Variants in TTC29 observed in about 807,000 individuals in gnomAD.
The protein encoded by TTC29 is tetratricopeptide repeat domain 29.
TTC29 carries 49 observed loss-of-function variants against 58.1 expected under a neutral mutation model. The observed-to-expected ratio is 0.84, with a 90% CI of 0.67 to 1.07. The LOEUF (loss-of-function observed/expected upper bound fraction) is 1.07, where lower values mean the gene tolerates loss of function less well. Among genes scored for constraint, TTC29 ranks in the 50% least tolerant of loss-of-function variants. The pLI, the probability that TTC29 is intolerant of heterozygous loss-of-function variation, is 0.00. For missense variants in TTC29, 582 were observed against 555.6 expected, an observed-to-expected ratio of 1.05 and a Z score of -0.48; for synonymous variants, 209 against 196.8, an observed-to-expected ratio of 1.06 and a Z score of -0.52.
At chr4:146,793,695 C>G (rs1268287060) in intron 11 of TTC29, among the ~76,000 whole-genome samples, 3 of 151,986 alleles carry the variant, frequency 2.0e-5, no homozygotes, top group African/African-American at 7.2e-5. Flanking sequence ...CTAGGAGAGG[C>G]CCTGAAGAAA....
chr4:146,919,408 ATG>A (rs942472179), intron 4 of TTC29, among the ~76,000 whole-genome samples: 2 of 151,268 alleles, frequency 1.3e-5, no homozygotes, highest in Admixed American at 6.6e-5. Flanking sequence ...CTGGTGTATT[ATG>A]TGTCCTAATA....
At chr4:146,758,909 C>G (rs939465213) in intron 11 of TTC29, among the ~76,000 whole-genome samples, 2 of 151,954 alleles carry the variant, frequency 1.3e-5, no homozygotes, top group African/African-American at 4.8e-5. Context: ...CGAACTGACA[C>G]TATAAGGTCA....
At position 146,760,500 on chromosome 4, in the gene TTC29, C is replaced by T. The variant is rs902502683; in HGVS notation, c.1330+42957G>A. 5.9e-5 allele frequency among the ~76,000 whole-genome samples: 9 copies of T among 151,682 alleles called. No individual in the cohort carries two copies. In the South Asian group the frequency reaches 1.7e-3, roughly 28 times the overall value. On this transcript the variant is annotated intron_variant, in intron 11 of 12. Transcript: ENST00000325106. ...CCAAACCAAGAGTAAGCAAAAAGTA[C>T]AAATCTAGAGGCATCACACTACCTG...
At chr4:146,747,861 A>G (rs1745665621) in intron 11 of TTC29, among the ~76,000 whole-genome samples, 1 of 152,180 alleles carries the variant, frequency 6.6e-6, no homozygotes, top group South Asian at 2.1e-4. Flanking sequence ...AAATGGCCCC[A>G]GCACCCCACC....
At chr4:146,876,368 C>A (rs1027519588) in intron 6 of TTC29, among the ~76,000 whole-genome samples, 22 of 152,212 alleles carry the variant, frequency 1.4e-4, no homozygotes, top group African/African-American at 4.3e-4. Context: ...CCCACAAAAA[C>A]CAAAAATTAG....
chr4:146,938,852 T>G (rs1168240199), intron 3 of TTC29, among the ~76,000 whole-genome samples: 1 of 152,178 alleles, frequency 6.6e-6, no homozygotes, highest in Non-Finnish European at 1.5e-5. Flanking sequence ...TGCAAACTAT[T>G]TATATTGGTA....
At chr4:146,903,893 A>G (rs1035163089) in intron 5 of TTC29, among the ~76,000 whole-genome samples, 164 bp from the exon 6 acceptor site, 4 of 152,190 alleles carry the variant, frequency 2.6e-5, no homozygotes, top group Non-Finnish European at 5.9e-5. Context: ...TTTAACTATT[A>G]TATTAATTAC....
chr4:146,935,490 T>A (rs896208134), intron 4 of TTC29, among the ~76,000 whole-genome samples: 1 of 152,206 alleles, frequency 6.6e-6, no homozygotes, highest in Non-Finnish European at 1.5e-5. Flanking sequence ...ACTGAAGATC[T>A]ATGACTACCA....
intron 11 of TTC29, among the ~76,000 whole-genome samples, chr4:146,784,886 T>C (rs774839611): frequency 1.1e-4 from 17 of 152,194 alleles, no homozygotes; most frequent in Non-Finnish European, 1.3e-4. Context: ...CAAATGATAT[T>C]TCTTTAAAAT....
chr4:146,843,305 G>C (rs1728967208), intron 8 of TTC29, among the ~76,000 whole-genome samples: 1 of 152,100 alleles, frequency 6.6e-6, no homozygotes, highest in Non-Finnish European at 1.5e-5. Flanking sequence ...TAGGGATGTC[G>C]CTTTGTAAAT....
intron 9 of TTC29, among the ~76,000 whole-genome samples, chr4:146,833,160 T>A (rs537843491): frequency 6.6e-6 from 1 of 151,232 alleles, no homozygotes; most frequent in African/African-American, 2.4e-5. Context: ...AGGCCTTAAC[T>A]GATAACTTTT....
chr4:146,731,562 C>T (rs143888383), intron 11 of TTC29, among the ~76,000 whole-genome samples: 54 of 152,136 alleles, frequency 3.5e-4, no homozygotes, highest in Non-Finnish European at 7.1e-4. Flanking sequence ...GGACAAAGAA[C>T]GGACCACAGA....
At chr4:146,812,324 A>G (rs1181190852) in intron 10 of TTC29, among the ~76,000 whole-genome samples, 2 of 152,214 alleles carry the variant, frequency 1.3e-5, no homozygotes, top group Non-Finnish European at 2.9e-5. Flanking sequence ...AGTCTTAATT[A>G]GGAAAATTAG....
chr4:146,803,429 T>C, intron 11 of TTC29, 28 bp downstream of exon 11: 1 of 1,434,228 alleles, frequency 7.0e-7, no homozygotes, highest in Non-Finnish European at 9.5e-7. Context: ...ATATGAAAAC[T>C]AAAGTGTTCT....
chr4:146,824,527 AT>A (rs1727628949), intron 9 of TTC29, among the ~76,000 whole-genome samples: 1 of 151,206 alleles, frequency 6.6e-6, no homozygotes, highest in Admixed American at 6.6e-5. Flanking sequence ...GAATTTTCAC[AT>A]TGATGTTCAT....
intron 10 of TTC29, among the ~76,000 whole-genome samples, chr4:146,806,071 G>T (rs576164618): frequency 6.6e-6 from 1 of 152,256 alleles, no homozygotes; most frequent in South Asian, 2.1e-4. Context: ...GAGAGTGGGG[G>T]CCAATATTCA....
At chr4:146,817,164 A>T (rs1283881727) in intron 10 of TTC29, among the ~76,000 whole-genome samples, 6 of 152,196 alleles carry the variant, frequency 3.9e-5, no homozygotes, top group Non-Finnish European at 7.3e-5. Context: ...AGACGACATG[A>T]TTGTATACCT....
At chr4:146,921,022 A>G (rs1373925519) in intron 4 of TTC29, among the ~76,000 whole-genome samples, 13 of 151,478 alleles carry the variant, frequency 8.6e-5, no homozygotes, top group Admixed American at 7.9e-4. Context: ...ATCAAACTTG[A>G]ATGCTTAAAA....
intron 6 of TTC29, among the ~76,000 whole-genome samples, chr4:146,878,976 C>T (rs1731447782): frequency 6.6e-6 from 1 of 152,106 alleles, no homozygotes. Context: ...CCTTGCTTCA[C>T]CATTTTCCCA....
Sources: gnomAD v4.1 joint callset for allele counts (sites outside exome capture counted in the v4.1 genomes callset) on GRCh38, gnomAD v4.1.1 for gene constraint, MANE v1.5 for transcripts, NCBI Gene and HGNC (gene_info 2026-07-23, HGNC 2026-07-21) for gene names.